Variants in PLXNA4 observed in about 807,000 individuals in gnomAD.
The protein encoded by PLXNA4 is plexin-A4.
Under a neutral mutation model 191.8 loss-of-function variants are expected in PLXNA4, and 44 were observed. The ratio of observed to expected loss-of-function variants is 0.23; its 90% CI spans 0.18 to 0.29. PLXNA4 has a LOEUF of 0.29. Among genes scored for constraint, PLXNA4 ranks in the 10% least tolerant of loss-of-function variants. The pLI, the probability that PLXNA4 is intolerant of heterozygous loss-of-function variation, is 1.00. For synonymous variants in PLXNA4, 1,082 were observed against 1,009.5 expected, an observed-to-expected ratio of 1.07 and a Z score of -1.36; for missense variants, 1,800 against 2,488.8, an observed-to-expected ratio of 0.72 and a Z score of 5.89.
chr7:132,383,822 A>C, intron 3 of PLXNA4: 1 of 985,426 alleles, frequency 1.0e-6, no homozygotes, highest in Non-Finnish European at 1.2e-6. Context: ...CTTCCTAAAT[A>C]TTTACACATT....
chr7:132,626,169 C>T (rs1418156539), intron 2 of PLXNA4, among the ~76,000 whole-genome samples: 1 of 152,158 alleles, frequency 6.6e-6, no homozygotes, highest in Non-Finnish European at 1.5e-5. Context: ...GTAGACTTTA[C>T]CTTCTAAGTA....
At chr7:132,168,033 T>C (rs1451117456) in intron 22 of PLXNA4, among the ~76,000 whole-genome samples, 2 of 152,018 alleles carry the variant, frequency 1.3e-5, no homozygotes, top group Non-Finnish European at 2.9e-5. Flanking sequence ...CAAGATTAAG[T>C]AGAAGGGCAG....
At chr7:132,635,170 T>TTATTTATATATATA (rs1470708373) in intron 2 of PLXNA4, among the ~76,000 whole-genome samples, 6 of 131,814 alleles carry the variant, frequency 4.6e-5, no homozygotes, top group Admixed American at 7.6e-5. Context: ...AAACTCCCCT[T>TTATTTATATATATA]TATATATATA....
At chr7:132,386,871 T>C (rs1253232754) in intron 3 of PLXNA4, among the ~76,000 whole-genome samples, 1 of 152,202 alleles carries the variant, frequency 6.6e-6, no homozygotes, top group East Asian at 1.9e-4. Context: ...ATCACATGTC[T>C]TATAGGCCAG....
At chr7:132,239,195 G>A (rs1798799695) in intron 5 of PLXNA4, among the ~76,000 whole-genome samples, 1 of 152,182 alleles carries the variant, frequency 6.6e-6, no homozygotes, top group Admixed American at 6.5e-5. Flanking sequence ...CAGGTATGAT[G>A]TTACAGAAGG....
rs147364219 is a variant in PLXNA4, at chr7:132,510,584, C to G, written c.-86-1805G>C. ...GATACCACCAGAACCTGAACTGATACGCACGACAAAAAGTCACATGGCATA... is the reference window on the plus strand; with the variant it reads ...GATACCACCAGAACCTGAACTGATAGGCACGACAAAAAGTCACATGGCATA... On this transcript the variant is annotated intron_variant, in intron 1 of 31. Coordinates refer to ENST00000321063, the MANE Select transcript of PLXNA4 (RefSeq NM_020911.2). Among the ~76,000 whole-genome samples the G allele has an allele frequency of 4.3e-3, 656 of 152,288 alleles. 2 individuals are homozygous for G. The highest frequency in any genetic ancestry group is 0.037 in the Middle Eastern group (11 of 294).
Position 132,197,881 on chromosome 7 carries a change from C to T in PLXNA4, c.2738+604G>A, listed in dbSNP as rs553155394. Among the ~76,000 whole-genome samples, 9 of 152,280 alleles carry T rather than the reference C, an allele frequency of 5.9e-5. No individual in the cohort carries two copies. In the East Asian group the frequency reaches 1.7e-3, roughly 29 times the overall value. ...GGTATGGAATATAGATTCTATGATG[C>T]TGGTAAACATTTCATAGTTGTGTTT... On this transcript the variant is annotated intron_variant, in intron 13 of 31. Transcript: ENST00000321063.
chr7:132,542,504 T>G (rs924089455), intron 1 of PLXNA4, among the ~76,000 whole-genome samples: 4 of 152,234 alleles, frequency 2.6e-5, no homozygotes, highest in Admixed American at 1.3e-4. Context: ...TTTAACCTGC[T>G]TAGAGTTTAC....
chr7:132,585,251 G>A (rs1298761924), intron 2 of PLXNA4, among the ~76,000 whole-genome samples: 2 of 152,086 alleles, frequency 1.3e-5, no homozygotes, highest in Non-Finnish European at 2.9e-5. Flanking sequence ...CTTCTACATT[G>A]GAGTCAGTAA....
chr7:132,234,555 G>A (rs1350373138), intron 5 of PLXNA4, among the ~76,000 whole-genome samples: 1 of 150,310 alleles, frequency 6.7e-6, no homozygotes, highest in Non-Finnish European at 1.5e-5. Flanking sequence ...TGGGAAGATG[G>A]CATTTTTGAC....
intron 3 of PLXNA4, among the ~76,000 whole-genome samples, chr7:132,349,270 G>A (rs11971704): frequency 0.077 from 11,699 of 152,082 alleles, 804 homozygotes; most frequent in African/African-American, 0.19. Context: ...TAGAAGCCAC[G>A]TCACTCCCTA....
At chr7:132,597,457 T>C (rs899854171) in intron 2 of PLXNA4, among the ~76,000 whole-genome samples, 1 of 152,208 alleles carries the variant, frequency 6.6e-6, no homozygotes, top group African/African-American at 2.4e-5. Flanking sequence ...TAAGACCTAG[T>C]GGCCATATTT....
intron 3 of PLXNA4, among the ~76,000 whole-genome samples, chr7:132,401,719 A>G (rs1793993102): frequency 6.6e-6 from 1 of 152,184 alleles, no homozygotes; most frequent in African/African-American, 2.4e-5. Flanking sequence ...GGAGGGGAAG[A>G]ACTGAACTTG....
intron 3 of PLXNA4, among the ~76,000 whole-genome samples, chr7:132,419,359 G>A (rs1210598363): frequency 6.6e-6 from 1 of 152,194 alleles, no homozygotes; most frequent in African/African-American, 2.4e-5. Flanking sequence ...TAGCTGAGCA[G>A]CCTGCATCCA....
intron 2 of PLXNA4, among the ~76,000 whole-genome samples, chr7:132,602,841 C>T (rs963824031): frequency 2.0e-5 from 3 of 152,178 alleles, no homozygotes; most frequent in Admixed American, 6.5e-5. Context: ...ATGGATTCTT[C>T]TCTACCCGTG....
In PLXNA4 at chr7:132,570,837, G is replaced by A. The variant is rs529526874; in HGVS notation, c.-87+5585C>T. Among the ~76,000 whole-genome samples the A allele has an allele frequency of 5.3e-5, 8 of 152,290 alleles. 1 individual carries two copies. The highest frequency in any genetic ancestry group is 3.9e-4 in the Admixed American group (6 of 15,300). On this transcript the variant is annotated intron_variant, in intron 1 of 31. Transcript: ENST00000321063. Reference sequence around the variant, plus strand: ...GTTCATGGAGGAAACACCATAGAGGGGGAGGGGAAGATCCAAGCTTAGAAG... The same window carrying A: ...GTTCATGGAGGAAACACCATAGAGGAGGAGGGGAAGATCCAAGCTTAGAAG...
intron 3 of PLXNA4, among the ~76,000 whole-genome samples, chr7:132,480,382 C>A (rs1156575603): frequency 6.6e-6 from 1 of 152,134 alleles, no homozygotes; most frequent in African/African-American, 2.4e-5. Flanking sequence ...CTAATTAGGC[C>A]CTCCATTCCA....
chr7:132,434,229 C>T (rs1795384472), intron 3 of PLXNA4, among the ~76,000 whole-genome samples: 1 of 152,220 alleles, frequency 6.6e-6, no homozygotes, highest in African/African-American at 2.4e-5. Flanking sequence ...CCGGTGCTGG[C>T]TTTCCAAGCT....
chr7:132,638,201 G>T (rs1371917880), intron 2 of PLXNA4, among the ~76,000 whole-genome samples: 1 of 152,226 alleles, frequency 6.6e-6, no homozygotes, highest in Admixed American at 6.5e-5. Context: ...CCCCATATCT[G>T]TCCCTCTATC....
Sources: gnomAD v4.1 joint callset for allele counts (sites outside exome capture counted in the v4.1 genomes callset) on GRCh38, gnomAD v4.1.1 for gene constraint, MANE v1.5 for transcripts, NCBI Gene and HGNC (gene_info 2026-07-23, HGNC 2026-07-21) for gene names.